Variants in HS2ST1 observed in about 807,000 individuals in gnomAD.
The protein encoded by HS2ST1 is 2-O-sulfotransferase.
A neutral mutation model predicts 42.9 loss-of-function variants in HS2ST1; 18 were observed. The ratio of observed to expected loss-of-function variants is 0.42; its 90% CI spans 0.29 to 0.62. HS2ST1 has a LOEUF of 0.62. HS2ST1 is among the 20% of genes least tolerant of loss of function. The pLI, the probability that HS2ST1 is intolerant of heterozygous loss-of-function variation, is 0.21. For missense variants in HS2ST1, 334 were observed against 433.8 expected (o/e 0.77, Z 2.04); for synonymous variants, 146 against 152.9 (o/e 0.95, Z 0.33).
chr1:87,101,161 T>TTTG (rs1652194645), intron 5 of HS2ST1, among the ~76,000 whole-genome samples: 1 of 111,960 alleles, frequency 8.9e-6, no homozygotes, highest in Non-Finnish European at 1.9e-5. Context: ...TTTTTGTTTT[T>TTTG]TTTTTTTTTT....
At chr1:86,963,746 C>T (rs1411883974) in intron 1 of HS2ST1, among the ~76,000 whole-genome samples, 1 of 8,388 alleles carries the variant, frequency 1.2e-4, no homozygotes, top group Non-Finnish European at 3.4e-4. Context: ...GCAGAGGCGC[C>T]CCCCCCCCCA....
intron 1 of HS2ST1, among the ~76,000 whole-genome samples, chr1:86,918,112 G>C (rs1660204509): frequency 6.6e-6 from 1 of 151,984 alleles, no homozygotes; most frequent in African/African-American, 2.4e-5. Context: ...TGATTTGAGA[G>C]TACAGTATTT....
At chr1:86,976,036 A>G (rs961195084) in intron 1 of HS2ST1, among the ~76,000 whole-genome samples, 1 of 152,244 alleles carries the variant, frequency 6.6e-6, no homozygotes, top group Non-Finnish European at 1.5e-5. Context: ...GCATAAAACC[A>G]AAGTGTACAT....
intron 1 of HS2ST1, among the ~76,000 whole-genome samples, chr1:87,064,163 A>G (rs1288322510): frequency 6.6e-6 from 1 of 152,178 alleles, no homozygotes; most frequent in African/African-American, 2.4e-5. Context: ...CTATCTTGCT[A>G]TGCTGTTCCT....
At chr1:86,995,675 A>G (rs12128231) in intron 1 of HS2ST1, among the ~76,000 whole-genome samples, 112,299 of 152,076 alleles carry the variant, frequency 0.74, 42,792 homozygotes, top group East Asian at 0.97. Context: ...TTCAATATCT[A>G]TAGGAAGTTA....
At chr1:86,994,021 T>A (rs190831760) in intron 1 of HS2ST1, among the ~76,000 whole-genome samples, 39 of 152,302 alleles carry the variant, frequency 2.6e-4, no homozygotes, top group Middle Eastern at 3.4e-3. Flanking sequence ...ATCCCCAGTA[T>A]TTTAGAGAGG....
chr1:86,985,720 CTTAGT>C (rs1291181240), intron 1 of HS2ST1, among the ~76,000 whole-genome samples: 6 of 151,680 alleles, frequency 4.0e-5, no homozygotes, highest in Admixed American at 3.9e-4. Context: ...TCTTACTCTC[CTTAGT>C]TTAGAGAGAT....
intron 1 of HS2ST1, among the ~76,000 whole-genome samples, chr1:87,042,903 A>T (rs1557525485): frequency 6.6e-6 from 1 of 152,126 alleles, no homozygotes; most frequent in Non-Finnish European, 1.5e-5. Flanking sequence ...TACACCACAT[A>T]AAATTAAGTT....
intron 1 of HS2ST1, among the ~76,000 whole-genome samples, chr1:86,954,363 G>GT (rs1647617661): frequency 6.6e-6 from 1 of 152,060 alleles, no homozygotes; most frequent in East Asian, 1.9e-4. Flanking sequence ...AAAAAAGGCA[G>GT]TATCTGTGAA....
At chr1:87,042,085 G>A (rs183615104) in intron 1 of HS2ST1, among the ~76,000 whole-genome samples, 1 of 152,174 alleles carries the variant, frequency 6.6e-6, no homozygotes, top group Admixed American at 6.5e-5. Flanking sequence ...GTGATGTCCA[G>A]CATCTTCCTA....
At chr1:86,999,697 C>T (rs35688602) in intron 1 of HS2ST1, among the ~76,000 whole-genome samples, 1 of 151,582 alleles carries the variant, frequency 6.6e-6, no homozygotes, top group African/African-American at 2.4e-5. Flanking sequence ...ATGCTTTCCC[C>T]CCCAACTTAC....
At chr1:86,926,980 A>G (rs79320455) in intron 1 of HS2ST1, among the ~76,000 whole-genome samples, 7,651 of 152,248 alleles carry the variant, frequency 0.05, 671 homozygotes, top group African/African-American at 0.17. Context: ...ATCCCTTTAG[A>G]TACAGCTGAG....
intron 1 of HS2ST1, among the ~76,000 whole-genome samples, chr1:86,965,106 T>TCC (rs1648005227): frequency 6.6e-6 from 1 of 152,220 alleles, no homozygotes; most frequent in Non-Finnish European, 1.5e-5. Flanking sequence ...CAAAAAGGAT[T>TCC]TTATGCATCT....
At chr1:87,047,076 C>G (rs1650699285) in intron 1 of HS2ST1, among the ~76,000 whole-genome samples, 1 of 152,102 alleles carries the variant, frequency 6.6e-6, no homozygotes, top group Admixed American at 6.5e-5. Context: ...TATATTCCCA[C>G]CAGCAGTTCA....
Position 87,025,188 on chromosome 1 carries a change from G to A in HS2ST1, c.125-47746G>A, listed in dbSNP as rs113301644. On this transcript the variant is annotated intron_variant, in intron 1 of 6. Transcript: ENST00000370550. ...CTAACACTTCTGGAACTGGAGAAGT[G>A]AAGAACAGGGGACCTGCAGACTGGG... Among the ~76,000 whole-genome samples, 44 of 2,112 alleles carry A rather than the reference G, an allele frequency of 0.021. No homozygotes were observed. In the East Asian group the frequency reaches 0.44, roughly 21 times the overall value. The allele number at this position is 2,112 out of a possible 152,430, so 1.4% of individuals were successfully genotyped here.
At chr1:86,932,828 A>G (rs1660572099) in intron 1 of HS2ST1, among the ~76,000 whole-genome samples, 1 of 152,186 alleles carries the variant, frequency 6.6e-6, no homozygotes. Context: ...AGAAGGTAAC[A>G]TAATTATAAT....
intron 1 of HS2ST1, among the ~76,000 whole-genome samples, chr1:87,005,263 A>G (rs190564586): frequency 2.8e-4 from 42 of 152,296 alleles, no homozygotes; most frequent in Non-Finnish European, 4.0e-4. Flanking sequence ...TGAGCTTTCA[A>G]TATTTTGTCT....
chr1:87,041,811 C>A (rs943614533), intron 1 of HS2ST1, among the ~76,000 whole-genome samples: 6 of 152,122 alleles, frequency 3.9e-5, no homozygotes, highest in African/African-American at 1.4e-4. Context: ...GTGTATATCA[C>A]ACAGTAAATC....
chr1:87,032,259 A>G (rs193050572), intron 1 of HS2ST1, among the ~76,000 whole-genome samples: 46 of 152,314 alleles, frequency 3.0e-4, no homozygotes, highest in African/African-American at 9.1e-4. Flanking sequence ...TTTAAAATTC[A>G]TGGTATGATG....
Sources: allele counts gnomAD v4.1 joint callset (sites outside exome capture counted in the v4.1 genomes callset), GRCh38; gene constraint gnomAD v4.1.1; transcripts MANE v1.5; gene names NCBI Gene and HGNC (gene_info 2026-07-23, HGNC 2026-07-21).